CFH: variants seen among roughly 807,000 people sequenced by gnomAD.
The protein encoded by CFH is complement factor H.
Under a neutral mutation model 147.3 loss-of-function variants are expected in CFH, and 53 were observed. That is an observed-to-expected ratio of 0.36 (90% CI 0.29 to 0.45). CFH has a LOEUF of 0.45. Ranked by LOEUF, CFH falls within the 20% of genes least tolerant of loss-of-function variation. CFH has a pLI of 1.00. For missense variants in CFH, 1,380 were observed against 1,498.0 expected, an observed-to-expected ratio of 0.92 and a Z score of 1.30; for synonymous variants, 536 against 489.4, an observed-to-expected ratio of 1.10 and a Z score of -1.26.
intron 15 of CFH, among the ~76,000 whole-genome samples, chr1:196,735,119 T>C (rs1487364331): frequency 6.6e-6 from 1 of 152,160 alleles, no homozygotes; most frequent in East Asian, 1.9e-4. Context: ...GTTCTATGTG[T>C]CGGGAGACAG....
chr1:196,697,611 T>A (rs1668316564), intron 9 of CFH, among the ~76,000 whole-genome samples: 1 of 152,162 alleles, frequency 6.6e-6, no homozygotes, highest in African/African-American at 2.4e-5. Flanking sequence ...TCCTCAGGGA[T>A]CTATAACTAG....
At chr1:196,742,209 T>C (rs1027257455) in intron 19 of CFH, among the ~76,000 whole-genome samples, 158 bp downstream of exon 19, 15 of 151,746 alleles carry the variant, frequency 9.9e-5, no homozygotes, top group African/African-American at 3.7e-4. Flanking sequence ...AACCCGTCTC[T>C]ACTAAAAATA....
At chr1:196,712,963 T>A (rs1668760159) in intron 9 of CFH, among the ~76,000 whole-genome samples, 1 of 151,990 alleles carries the variant, frequency 6.6e-6, no homozygotes, top group Non-Finnish European at 1.5e-5. Flanking sequence ...TTTTTATGGC[T>A]GCATAGTATT....
At chr1:196,722,138 G>A (rs1192494320) in intron 11 of CFH, among the ~76,000 whole-genome samples, 4 of 151,968 alleles carry the variant, frequency 2.6e-5, no homozygotes, top group African/African-American at 9.7e-5. Context: ...TTTTTAATAA[G>A]ACCTGTGAGT....
At chr1:196,743,062 G>T (rs1652866829) in intron 19 of CFH, among the ~76,000 whole-genome samples, 1 of 152,000 alleles carries the variant, frequency 6.6e-6, no homozygotes, top group African/African-American at 2.4e-5. Context: ...CAAAAATCTG[G>T]TATCACATAA....
intron 9 of CFH, among the ~76,000 whole-genome samples, chr1:196,702,565 TCTC>T (rs1328716854): frequency 6.6e-6 from 1 of 151,052 alleles, no homozygotes; most frequent in Non-Finnish European, 1.5e-5. Flanking sequence ...AAGAATCTAT[TCTC>T]CTCTGTATTT....
At chr1:196,726,970 A>G (rs769191974) in intron 14 of CFH, 30 bp downstream of exon 14, 1 of 1,586,364 alleles carries the variant, frequency 6.3e-7, no homozygotes. Flanking sequence ...ATCAACATTT[A>G]ACAAAGTTTA....
rs1667982633 is a variant in CFH at position 196,690,328 on chromosome 1, CA to C, written c.1336+93del. On this transcript the variant is annotated intron_variant, in intron 9 of 21. Transcript: ENST00000367429. Reference sequence around the variant, plus strand: ...TAAGACTCATCTATATTAATTGTGGCAAAATGTTTATGTCACCTTGTTTTAC... The same window carrying C: ...TAAGACTCATCTATATTAATTGTGGCAAATGTTTATGTCACCTTGTTTTAC... 1.3e-6 allele frequency: 2 copies of C among 1,570,914 alleles called. 1 individual carries two copies. The highest frequency in any genetic ancestry group is 2.2e-5 in the South Asian group (2 of 90,012).
chr1:196,699,063 A>G (rs1220843916), intron 9 of CFH, among the ~76,000 whole-genome samples: 4 of 152,192 alleles, frequency 2.6e-5, no homozygotes, highest in Non-Finnish European at 5.9e-5. Context: ...TCAAAATTAT[A>G]AGAGCTATTT....
At chr1:196,707,475 G>A (rs956686695) in intron 9 of CFH, among the ~76,000 whole-genome samples, 9 of 152,160 alleles carry the variant, frequency 5.9e-5, no homozygotes, top group Non-Finnish European at 7.3e-5. Flanking sequence ...ATCCAACCCA[G>A]AGACTGGGTT....
chr1:196,692,378 T>C, intron 9 of CFH: 1 of 830,866 alleles, frequency 1.2e-6, no homozygotes, highest in Non-Finnish European at 1.5e-6. Context: ...CTTCACAGAT[T>C]AATTGAGGCT....
chr1:196,660,935 G>A (rs969142822), intron 1 of CFH, among the ~76,000 whole-genome samples: 1 of 152,074 alleles, frequency 6.6e-6, no homozygotes, highest in Non-Finnish European at 1.5e-5. Flanking sequence ...GAAGTGAGCG[G>A]GCTAAACTTT....
rs545091090 is a variant in CFH at position 196,747,103 on chromosome 1, A to G, written c.3494-8A>G. ...TAATGTTTTATGTTTACTGTTTTTT[A>G]TTTTCAGATCCGTGTGTAATATCCC... On this transcript the variant is annotated splice_region_variant and splice_polypyrimidine_tract_variant and intron_variant, in intron 21 of 21. Transcript: ENST00000367429. The G allele has an allele frequency of 1.9e-6, 3 of 1,613,722 alleles. No individual in the cohort carries two copies. Among genetic ancestry groups the G allele is most frequent in the Admixed American group, 1.7e-5 (1 of 60,004 alleles).
intron 1 of CFH, among the ~76,000 whole-genome samples, chr1:196,665,933 C>T (rs1445209836): frequency 1.3e-5 from 2 of 152,148 alleles, no homozygotes; most frequent in African/African-American, 2.4e-5. Flanking sequence ...GCAAGCCTGC[C>T]AGAGTGAGTT....
intron 5 of CFH, 24 bp downstream of exon 5, chr1:196,677,691 T>C: frequency 1.2e-6 from 2 of 1,601,922 alleles, no homozygotes; most frequent in Non-Finnish European, 1.7e-6. Context: ...ACTGTTTTAG[T>C]ATTTTTAGCT....
chr1:196,660,717 G>C (rs1318864401), intron 1 of CFH, among the ~76,000 whole-genome samples: 1 of 152,170 alleles, frequency 6.6e-6, no homozygotes, highest in Non-Finnish European at 1.5e-5. Flanking sequence ...TAATCAATAT[G>C]ATAATTCTTT....
intron 19 of CFH, among the ~76,000 whole-genome samples, chr1:196,743,153 A>G (rs1218483849): frequency 1.3e-5 from 2 of 152,200 alleles, no homozygotes; most frequent in Non-Finnish European, 1.5e-5. Flanking sequence ...TCAAACTCAA[A>G]GAGAGATATC....
At chr1:196,691,630 T>C (rs1201573666) in intron 9 of CFH, among the ~76,000 whole-genome samples, 1 of 151,852 alleles carries the variant, frequency 6.6e-6, no homozygotes, top group Non-Finnish European at 1.5e-5. Context: ...GTATTATTAG[T>C]TGGAATCATC....
At position 196,732,907 on chromosome 1, in the gene CFH, A is replaced by G. The variant is rs79750119; in HGVS notation, c.2414-3917A>G. Among the ~76,000 whole-genome samples the G allele has an allele frequency of 5.9e-5, 9 of 152,234 alleles. No homozygotes were observed. The East Asian group carries it at 1.7e-3, about 29-fold the overall frequency. On this transcript the variant is annotated intron_variant, in intron 15 of 21. Transcript: ENST00000367429. ...TAAAGAATCTGTGGCTAATACCTGTACTAATATTCAGGCTGCATGCTCTGA... is the reference window on the plus strand; with the variant it reads ...TAAAGAATCTGTGGCTAATACCTGTGCTAATATTCAGGCTGCATGCTCTGA...
Sources: gnomAD v4.1 joint callset for allele counts (sites outside exome capture counted in the v4.1 genomes callset) on GRCh38, gnomAD v4.1.1 for gene constraint, MANE v1.5 for transcripts, NCBI Gene and HGNC (gene_info 2026-07-23, HGNC 2026-07-21) for gene names.